CYTL1: variants seen among roughly 807,000 people sequenced by gnomAD.
The protein encoded by CYTL1 is cytokine-like protein 1.
A neutral mutation model predicts 13.1 loss-of-function variants in CYTL1; 17 were observed. The observed-to-expected ratio is 1.29, with a 90% CI of 0.89 to 1.94. CYTL1 has a LOEUF of 1.94. CYTL1 is among the 30% of genes most tolerant of loss of function. The pLI is 0.00. For synonymous variants in CYTL1, 91 were observed against 79.4 expected (o/e 1.15, Z -0.78); for missense variants, 213 against 174.8 (o/e 1.22, Z -1.23).
intron 3 of CYTL1, 80 bp downstream of exon 3, chr4:5,016,756 C>T (rs925505848): frequency 6.4e-7 from 1 of 1,553,648 alleles, no homozygotes; most frequent in African/African-American, 1.4e-5. Context: ...ACCATCTCCT[C>T]CCAACTCTCC....
At chr4:5,017,778 A>G (rs1560117882) in intron 1 of CYTL1, among the ~76,000 whole-genome samples, 2 of 152,136 alleles carry the variant, frequency 1.3e-5, no homozygotes, top group African/African-American at 2.4e-5. Flanking sequence ...GTAGTTGTAT[A>G]TAGTGTATAA....
At chr4:5,018,515 C>A (rs1741126662) in intron 1 of CYTL1, among the ~76,000 whole-genome samples, 1 of 152,228 alleles carries the variant, frequency 6.6e-6, no homozygotes, top group African/African-American at 2.4e-5. Context: ...GATTAAAAGA[C>A]ACTTTGAAAC....
In CYTL1 at chr4:5,019,415, G is replaced by C; in HGVS notation, c.31C>G (p.Leu11Val). Residue 11 changes from leucine to valine, a missense_variant, in exon 1 of 4, where the codon CTG (leucine) becomes GTG (valine). Physicochemically the swap from Leu to Val is conservative, Grantham distance 32. Transcript: ENST00000307746. MRTPGPLPVL[L>V]LLLAGAPAAR... ...GCGGGGGCTCCCGCCAGGAGCAGCA[G>C]CAGCACGGGCAGAGGCCCAGGCGTC... 6.7e-7 allele frequency: 1 copy of C among 1,485,120 alleles called. No individual in the cohort carries two copies. Among genetic ancestry groups the C allele is most frequent in the African/African-American group, 1.5e-5 (1 of 68,128 alleles). The allele number at this position is 1,485,120 out of a possible 1,614,324, so 92.0% of individuals were successfully genotyped here.
At position 5,016,830 on chromosome 4, in the gene CYTL1, A is replaced by T. The variant is rs755967850; in HGVS notation, c.327+6T>A. On this transcript the variant is annotated splice_donor_region_variant and intron_variant, in intron 3 of 3. Transcript: ENST00000307746. The stretch of plus-strand genomic sequence containing the variant: ...AGAAAATAGACTTTCAATGGCATCC[A>T]CTTACTCTCCTGCAGAACGAGTTCA... 1.2e-6 allele frequency: 2 copies of T among 1,614,016 alleles called. No individual in the cohort carries two copies. The highest frequency in any genetic ancestry group is 2.7e-5 in the African/African-American group (2 of 74,906).
rs577494489 is a variant in CYTL1, at chr4:5,017,303, A to T, written c.154-124T>A. 14 of 787,240 alleles carry T rather than the reference A, an allele frequency of 1.8e-5. No individual in the cohort carries two copies. The South Asian group carries it at 2.4e-4, about 13-fold the overall frequency. The allele number at this position is 787,240 out of a possible 1,614,324, so 48.8% of individuals were successfully genotyped here. The stretch of plus-strand genomic sequence containing the variant: ...CCCTGGGGCCCTCCCTGATGCTACG[A>T]CATGCACAGTACTTTCTTGTGTCAT... On this transcript the variant is annotated intron_variant, in intron 1 of 3. Coordinates refer to ENST00000307746, the MANE Select transcript of CYTL1 (RefSeq NM_018659.3).
In CYTL1 at chr4:5,015,132, T is replaced by G; in HGVS notation, c.*19A>C. 1 of 1,610,478 alleles carries G rather than the reference T, an allele frequency of 6.2e-7. No individual in the cohort carries two copies. Among genetic ancestry groups the G allele is most frequent in the East Asian group, 2.2e-5 (1 of 44,864 alleles). ...CATAACTGTAGTTCTCTTGGGTTCT[T>G]TCTCTGGTCTCAGTTCCCTTAGCGC... On this transcript the variant is annotated 3_prime_UTR_variant, in exon 4 of 4. Transcript: ENST00000307746.
In CYTL1 at chr4:5,014,794, T is replaced by C; in HGVS notation, c.*357A>G. On this transcript the variant is annotated 3_prime_UTR_variant, in exon 4 of 4. Transcript: ENST00000307746. ...TATCAAGAAAGAATAAAAGTACCAT[T>C]ACTCCATTAAACCAGTAATAAAAAC... is the stretch of plus-strand genomic sequence containing the variant. 2 of 225,318 alleles carry C rather than the reference T, an allele frequency of 8.9e-6. No individual in the cohort carries two copies. The highest frequency in any genetic ancestry group is 1.4e-4 in the South Asian group (2 of 14,472). The allele number at this position is 225,318 out of a possible 1,614,324, so 14.0% of individuals were successfully genotyped here. A position where few individuals can be genotyped will look rare whatever the true frequency, so the allele number is the denominator to read the frequency against.
intron 1 of CYTL1, among the ~76,000 whole-genome samples, chr4:5,017,632 A>G (rs1741103005): frequency 6.7e-6 from 1 of 150,218 alleles, no homozygotes; most frequent in African/African-American, 2.4e-5. Context: ...TAATATACTT[A>G]TATAATAACT....
At position 5,015,052 on chromosome 4, in the gene CYTL1, C is replaced by T. The variant is rs971735305; in HGVS notation, c.*99G>A. On this transcript the variant is annotated 3_prime_UTR_variant, in exon 4 of 4. Transcript: ENST00000307746. ...AGATACATAACAGTTTCAGATACAA[C>T]TAACACAAGACCTGTGAGGGTCATG... 3.0e-6 allele frequency: 3 copies of T among 988,644 alleles called. No homozygotes were observed. The highest frequency in any genetic ancestry group is 2.5e-5 in the East Asian group (1 of 40,334). The allele number at this position is 988,644 out of a possible 1,614,324, so 61.2% of individuals were successfully genotyped here.
chr4:5,015,842 G>A (rs914569303), intron 3 of CYTL1, among the ~76,000 whole-genome samples: 1 of 152,160 alleles, frequency 6.6e-6, no homozygotes, highest in Non-Finnish European at 1.5e-5. Context: ...GATCAAGGGA[G>A]TTACTGCAGT....
At position 5,018,746 on chromosome 4, in the gene CYTL1, G is replaced by A. The variant is rs186720722; in HGVS notation, c.153+547C>T. ...CCTGTGTTCACACCTGCCTTTGATC[G>A]TCAAAGCCACTCTAAAGGGAGGGGT... On this transcript the variant is annotated intron_variant, in intron 1 of 3. Coordinates refer to ENST00000307746, the MANE Select transcript of CYTL1 (RefSeq NM_018659.3). Among the ~76,000 whole-genome samples, 70 of 152,214 alleles carry A rather than the reference G, an allele frequency of 4.6e-4. No homozygotes were observed. In the East Asian group the frequency reaches 4.8e-3, roughly 11 times the overall value.
intron 3 of CYTL1, 87 bp downstream of exon 3, chr4:5,016,749 A>G (rs1741080871): frequency 7.9e-6 from 12 of 1,512,348 alleles, no homozygotes; most frequent in Non-Finnish European, 1.1e-5. Flanking sequence ...CCTTGTCACC[A>G]TCTCCTCCCA....
chr4:5,014,915 C>T lies in CYTL1; in HGVS notation c.*236G>A. On this transcript the variant is annotated 3_prime_UTR_variant, in exon 4 of 4. Coordinates refer to ENST00000307746, the MANE Select transcript of CYTL1 (RefSeq NM_018659.3). ...GTGACCAAATCAACATGCTGTGTAT[C>T]TAACCATCCTGGCAAGACATGAGTC... 1.9e-6 allele frequency: 1 copy of T among 517,370 alleles called. No individual in the cohort carries two copies. Among genetic ancestry groups the T allele is most frequent in the Admixed American group, 3.5e-5 (1 of 28,598 alleles). 32.0% of individuals were successfully genotyped at this position (517,370 alleles called of 1,614,324 possible).
chr4:5,016,905 C>T lies in CYTL1; in HGVS notation c.258G>A (p.Val86=), dbSNP rs1217365491. The change falls in exon 3 of 4, where the codon GTG becomes GTA. Residue 86 remains valine (V), a synonymous_variant. Coordinates refer to ENST00000307746, the MANE Select transcript of CYTL1 (RefSeq NM_018659.3). ...DFVASPPCWK[V]AQVDSLKDKA... ...TGTCCTTCAAGGAATCTACCTGGGC[C>T]ACTTTCCAACACGGGGGCGAGGCCA... 1 of 1,614,108 alleles carries T rather than the reference C, an allele frequency of 6.2e-7. No homozygotes were observed. The highest frequency in any genetic ancestry group is 2.2e-5 in the East Asian group (1 of 44,896).
At position 5,019,391 on chromosome 4, in the gene CYTL1, CG is replaced by C; in HGVS notation, c.54del (p.Ala19ProfsTer16). 2.0e-6 allele frequency: 3 copies of C among 1,491,616 alleles called. No individual in the cohort carries two copies. The highest frequency in any genetic ancestry group is 2.9e-5 in the Admixed American group (1 of 34,750). 92.4% of individuals were successfully genotyped at this position (1,491,616 alleles called of 1,614,324 possible). On this transcript the variant is annotated frameshift_variant, in exon 1 of 4. Coordinates refer to ENST00000307746, the MANE Select transcript of CYTL1 (RefSeq NM_018659.3). LOFTEE classifies it high-confidence loss of function. ...PVLLLLLAGAPAARPTPPTCY... is the reference protein window; with the variant it reads ...PVLLLLLAGAXAARPTPPTCY... ...CAGGTCGGGGGAGTGGGCCGCGCGG[CG>C]GGGGCTCCCGCCAGGAGCAGCAGCA...
intron 3 of CYTL1, among the ~76,000 whole-genome samples, chr4:5,016,341 C>T (rs1215067529): frequency 1.3e-5 from 2 of 152,180 alleles, no homozygotes; most frequent in Non-Finnish European, 2.9e-5. Context: ...GCAGCAGAAA[C>T]AGACTAAGAC....
chr4:5,017,888 C>A (rs1741111933), intron 1 of CYTL1, among the ~76,000 whole-genome samples: 1 of 152,176 alleles, frequency 6.6e-6, no homozygotes, highest in African/African-American at 2.4e-5. Flanking sequence ...TCGTGCTCTG[C>A]CCTCTCAGTA....
At chr4:5,017,414 G>A (rs76621861) in intron 1 of CYTL1, among the ~76,000 whole-genome samples, 2,550 of 152,240 alleles carry the variant, frequency 0.017, 47 homozygotes, top group African/African-American at 0.058. Context: ...CTATGAACCA[G>A]GGAGCTGTTT....
Position 5,016,922 on chromosome 4 carries a change from G to A in CYTL1, c.241C>T (p.Pro81Ser), listed in dbSNP as rs758565080. ...ACCTGGGCCACTTTCCAACACGGGG[G>A]CGAGGCCACAAAGTCCCGCAGCTTG... ...LDKLRDFVAS[P>S]PCWKVAQVDS... Residue 81 changes from proline to serine, a missense_variant, in exon 3 of 4, where the codon CCC becomes TCC. By Grantham distance (74) the Pro-to-Ser change is moderately conservative. Transcript: ENST00000307746. 8 of 1,614,160 alleles carry A rather than the reference G, an allele frequency of 5.0e-6. No individual in the cohort carries two copies. Among genetic ancestry groups the A allele is most frequent in the Non-Finnish European group, 6.8e-6 (8 of 1,180,040 alleles).
Sources: gnomAD v4.1 joint callset for allele counts (sites outside exome capture counted in the v4.1 genomes callset) on GRCh38, gnomAD v4.1.1 for gene constraint, MANE v1.5 for transcripts, NCBI Gene and HGNC (gene_info 2026-07-23, HGNC 2026-07-21) for gene names.